The following SLIT1 variants were observed in gnomAD, a reference collection of about 807,000 sequenced individuals.
The protein encoded by SLIT1 is slit homolog 1 protein.
Under a neutral mutation model 186.1 loss-of-function variants are expected in SLIT1, and 66 were observed. The ratio of observed to expected loss-of-function variants is 0.35; its 90% CI spans 0.29 to 0.44. The LOEUF (loss-of-function observed/expected upper bound fraction) is 0.44, where lower values mean the gene tolerates loss of function less well. Ranked by LOEUF, SLIT1 falls within the 20% of genes least tolerant of loss-of-function variation. The pLI is 1.00. For missense variants in SLIT1, 1,638 were observed against 2,037.4 expected (o/e 0.80, Z 3.77); for synonymous variants, 761 against 833.8 (o/e 0.91, Z 1.50).
intron 4 of SLIT1, among the ~76,000 whole-genome samples, chr10:97,144,562 G>A (rs947353339): frequency 1.3e-5 from 2 of 152,190 alleles, no homozygotes; most frequent in Non-Finnish European, 2.9e-5. Context: ...ACTGAGGCAA[G>A]ATGCAAAGGG....
chr10:97,038,363 C>T (rs1175394778), intron 21 of SLIT1, among the ~76,000 whole-genome samples: 2 of 152,198 alleles, frequency 1.3e-5, no homozygotes, highest in Non-Finnish European at 2.9e-5. Context: ...CGACTGTGCA[C>T]CACCACCCAT....
chr10:97,028,513 T>C (rs938435343), intron 25 of SLIT1, among the ~76,000 whole-genome samples: 1 of 152,136 alleles, frequency 6.6e-6, no homozygotes, highest in African/African-American at 2.4e-5. Flanking sequence ...TCCTTGAACA[T>C]CCCATTTTTT....
At chr10:97,071,748 T>A (rs1048408657) in intron 4 of SLIT1, among the ~76,000 whole-genome samples, 1 of 152,080 alleles carries the variant, frequency 6.6e-6, no homozygotes, top group South Asian at 2.1e-4. Context: ...CACGTATAAG[T>A]CTAAAAGGAT....
At chr10:97,185,267 C>A (rs1234404533) in intron 1 of SLIT1, among the ~76,000 whole-genome samples, 1 of 152,248 alleles carries the variant, frequency 6.6e-6, no homozygotes, top group Non-Finnish European at 1.5e-5. Flanking sequence ...GCTGACAACC[C>A]CGCCGAGGGC....
chr10:97,118,453 A>G (rs868102667), intron 4 of SLIT1, among the ~76,000 whole-genome samples: 4 of 151,856 alleles, frequency 2.6e-5, no homozygotes, highest in Non-Finnish European at 4.4e-5. Flanking sequence ...CTTCGGGCAC[A>G]CTCCAGACTC....
At chr10:97,125,069 T>A (rs1436636238) in intron 4 of SLIT1, among the ~76,000 whole-genome samples, 2 of 152,200 alleles carry the variant, frequency 1.3e-5, no homozygotes, top group East Asian at 3.8e-4. Context: ...ATGTCAAGAA[T>A]GTTCAATACT....
intron 25 of SLIT1, among the ~76,000 whole-genome samples, chr10:97,025,900 G>A (rs1203841164): frequency 6.6e-6 from 1 of 152,132 alleles, no homozygotes; most frequent in Non-Finnish European, 1.5e-5. Context: ...ACTGTCTCCT[G>A]CTGCATTTGA....
At position 97,060,056 on chromosome 10, in the gene SLIT1, A is replaced by G. The variant is rs1226039770; in HGVS notation, c.1013+31T>C. 8 of 1,570,722 alleles carry G rather than the reference A, an allele frequency of 5.1e-6. No individual in the cohort carries two copies. In the East Asian group the frequency reaches 1.6e-4, roughly 31 times the overall value. ...CCAGGATCTCCGTCAGCCCTGTACCAGCTCCCCAGGAAGCAGTGGGAGGCA... is the reference window on the plus strand; with the variant it reads ...CCAGGATCTCCGTCAGCCCTGTACCGGCTCCCCAGGAAGCAGTGGGAGGCA... On this transcript the variant is annotated intron_variant, in intron 10 of 36. Transcript: ENST00000266058.
chr10:97,079,255 G>T (rs773017008), intron 4 of SLIT1, among the ~76,000 whole-genome samples: 1 of 152,202 alleles, frequency 6.6e-6, no homozygotes, highest in Non-Finnish European at 1.5e-5. Context: ...AGCCAGGATT[G>T]TAGTTAGTCG....
chr10:97,086,831 C>A (rs1393539965), intron 4 of SLIT1, among the ~76,000 whole-genome samples: 1 of 152,134 alleles, frequency 6.6e-6, no homozygotes. Flanking sequence ...AACAGTGTAT[C>A]CATGTCATTA....
At chr10:97,137,532 TTTCC>T (rs1012895803) in intron 4 of SLIT1, among the ~76,000 whole-genome samples, 5 of 152,250 alleles carry the variant, frequency 3.3e-5, no homozygotes, top group South Asian at 4.1e-4. Flanking sequence ...TAATGTTTCT[TTTCC>T]TTCCTTCCTT....
At chr10:97,133,279 G>A (rs144856287) in intron 4 of SLIT1, among the ~76,000 whole-genome samples, 28 of 152,334 alleles carry the variant, frequency 1.8e-4, no homozygotes, top group African/African-American at 6.5e-4. Context: ...TGGGCCAGGC[G>A]CGGTGGCTCA....
chr10:97,132,333 C>G (rs896971641), intron 4 of SLIT1, among the ~76,000 whole-genome samples: 2 of 152,194 alleles, frequency 1.3e-5, no homozygotes, highest in Non-Finnish European at 2.9e-5. Flanking sequence ...TCTCTCCCCT[C>G]CCCACCAGGT....
intron 4 of SLIT1, among the ~76,000 whole-genome samples, chr10:97,112,946 G>A (rs983615305): frequency 1.6e-4 from 24 of 152,140 alleles, no homozygotes; most frequent in African/African-American, 5.5e-4. Flanking sequence ...CTCCCACCTC[G>A]GCCTTTCAAA....
chr10:97,091,531 C>T (rs1849231684), intron 4 of SLIT1, among the ~76,000 whole-genome samples: 1 of 152,208 alleles, frequency 6.6e-6, no homozygotes, highest in Admixed American at 6.5e-5. Context: ...CCCTGTCTTT[C>T]ACTGATGATA....
intron 4 of SLIT1, among the ~76,000 whole-genome samples, chr10:97,086,596 A>G (rs1042912274): frequency 6.6e-6 from 1 of 152,160 alleles, no homozygotes; most frequent in Non-Finnish European, 1.5e-5. Flanking sequence ...AAAAGAAAGG[A>G]AAGGAAAGGA....
At chr10:97,008,902 T>C (rs1848387268) in intron 31 of SLIT1, among the ~76,000 whole-genome samples, 2 of 151,760 alleles carry the variant, frequency 1.3e-5, no homozygotes, top group African/African-American at 2.4e-5. Flanking sequence ...TTTTTTGAGA[T>C]GGCGTCTCAC....
chr10:97,121,463 C>A (rs903927248), intron 4 of SLIT1, among the ~76,000 whole-genome samples: 1 of 152,192 alleles, frequency 6.6e-6, no homozygotes, highest in East Asian at 1.9e-4. Context: ...TGTGGAAGTG[C>A]CGTTCATACA....
intron 23 of SLIT1, among the ~76,000 whole-genome samples, chr10:97,033,564 A>G (rs1180382418): frequency 6.6e-6 from 1 of 152,236 alleles, no homozygotes; most frequent in Non-Finnish European, 1.5e-5. Flanking sequence ...CCAAAGGAAC[A>G]TTACCTAGCA....
Sources: allele counts gnomAD v4.1 joint callset (sites outside exome capture counted in the v4.1 genomes callset), GRCh38; gene constraint gnomAD v4.1.1; transcripts MANE v1.5; gene names NCBI Gene and HGNC (gene_info 2026-07-23, HGNC 2026-07-21).